Variants in FGA observed in about 807,000 individuals in gnomAD.
FGA encodes the protein fibrinogen alpha chain, also known as fibrinogen, A alpha polypeptide.
In FGA, 20 loss-of-function variants were observed where a neutral mutation model predicts 20.3. The observed-to-expected ratio is 0.99, with a 90% CI of 0.69 to 1.43. The LOEUF (loss-of-function observed/expected upper bound fraction) is 1.43. Among genes scored for constraint, FGA ranks in the 40% most tolerant of loss-of-function variants. The pLI, the probability that FGA is intolerant of heterozygous loss-of-function variation, is 0.00. For missense variants in FGA, 777 were observed against 784.7 expected, an observed-to-expected ratio of 0.99 and a Z score of 0.12; for synonymous variants, 306 against 281.6, an observed-to-expected ratio of 1.09 and a Z score of -0.87.
Position 154,588,933 on chromosome 4 carries a change from T to A in FGA, c.224A>T (p.Asp75Val), listed in dbSNP as rs915183884. 1 of 1,613,876 alleles carries A rather than the reference T, an allele frequency of 6.2e-7. No individual in the cohort carries two copies. The highest frequency in any genetic ancestry group is 2.2e-5 in the East Asian group (1 of 44,862). Reference protein sequence around the residue: ...PSGCRMKGLIDEVNQDFTNRI... With the variant: ...PSGCRMKGLIVEVNQDFTNRI... ...GTTTGTAAAATCTTGATTGACTTCA[T>A]CAATCAACCCTTTCATCCTGCAGCC... is the stretch of plus-strand genomic sequence containing the variant. Residue 75 changes from aspartate to valine, a missense_variant, in exon 3 of 5, where the codon GAT (aspartate) becomes GTT (valine). Transcript: ENST00000403106.
chr4:154,584,805 A>G, downstream of FGA: 1 of 1,613,834 alleles, frequency 6.2e-7, no homozygotes, highest in East Asian at 2.2e-5. Context: ...GGGTACCTGA[A>G]GGATGTGTTT....
chr4:154,584,873 A>C, downstream of FGA: 1 of 1,443,152 alleles, frequency 6.9e-7, no homozygotes, highest in Non-Finnish European at 9.7e-7. Context: ...AGTTATTCTC[A>C]TTTAACTTTA....
In FGA at chr4:154,589,072, A is replaced by T. The variant is rs7656433; in HGVS notation, c.181-96T>A. The T allele has an allele frequency of 0.98, 1,073,152 of 1,092,432 alleles. 527,235 individuals carry two copies. The highest frequency in any genetic ancestry group is 1 in the East Asian group (40,990 of 40,996). 67.7% of individuals were successfully genotyped at this position (1,092,432 alleles called of 1,614,324 possible). On this transcript the variant is annotated intron_variant, in intron 2 of 4. Transcript: ENST00000403106. ...TGCAGCCCCCATTTCTTCCTACCCTATCTCTTCCAGATAAGTTGGCTTAAA... is the reference window on the plus strand; with the variant it reads ...TGCAGCCCCCATTTCTTCCTACCCTTTCTCTTCCAGATAAGTTGGCTTAAA...
chr4:154,587,635 T>C lies in FGA; in HGVS notation c.387A>G (p.Arg129=), dbSNP rs1252108476. ...TTCTGCTTCTCAGATCCTCTGACAC[T>C]CGGTTGTAGGTATTATCACGGTCTG... The part of the protein sequence containing the change: ...SANNRDNTYN[R]VSEDLRSRIE... The change falls in exon 4 of 5, where the codon CGA becomes CGG. Residue 129 remains arginine, a synonymous_variant. Transcript: ENST00000403106. The C allele has an allele frequency of 6.2e-7, 1 of 1,613,896 alleles. No individual in the cohort carries two copies. The highest frequency in any genetic ancestry group is 1.7e-5 in the Admixed American group (1 of 59,984).
downstream of FGA, chr4:154,584,137 AG>A (rs773678959): frequency 4.8e-6 from 6 of 1,242,112 alleles, no homozygotes; most frequent in Non-Finnish European, 5.3e-6. Context: ...TTGGGTCACA[AG>A]GGGCCTAATT....
At chr4:154,585,172 A>T, downstream of FGA, 1 of 1,155,728 alleles carries the variant, frequency 8.7e-7, no homozygotes, top group Non-Finnish European at 1.1e-6. Context: ...ACTGAGACAC[A>T]TACTAAAAAT....
downstream of FGA, chr4:154,584,304 C>T: frequency 1.2e-6 from 2 of 1,614,112 alleles, no homozygotes; most frequent in Non-Finnish European, 1.7e-6. Flanking sequence ...TATTATACCA[C>T]CAGCCTCCCC....
rs763049586 is a variant in FGA at position 154,586,592 on chromosome 4, G to A, written c.837C>T (p.Thr279=). 6 of 1,613,874 alleles carry A rather than the reference G, an allele frequency of 3.7e-6. No individual in the cohort carries two copies. Among genetic ancestry groups the A allele is most frequent in the Non-Finnish European group, 5.1e-6 (6 of 1,179,994 alleles). Residue 279 remains threonine (T), a synonymous_variant, in exon 5 of 5, where the codon ACC becomes ACT. Transcript: ENST00000403106. ...TCCTGGGGCTTTCCGTCTCTGATCC[G>A]GTTCCATAAGAGGTGGAGCCTCCTC... ...ITRGGSTSYG[T]GSETESPRNP...
rs1730732469 is a variant in FGA at position 154,586,702 on chromosome 4, T to C, written c.727A>G (p.Lys243Glu). Residue 243 changes from lysine to glutamate, a missense_variant, in exon 5 of 5, where the codon AAG becomes GAG. Physicochemically the swap from Lys to Glu is moderately conservative, Grantham distance 56 (BLOSUM62 1). Transcript: ENST00000403106. The part of the protein sequence containing the change: ...VPGNFKSQLQ[K>E]VPPEWKALTD... Reference sequence around the variant, plus strand: ...AATGCCTTCCACTCTGGGGGTACCTTCTGAAGCTGGCTCTTAAAATTTCCG... The same window carrying C: ...AATGCCTTCCACTCTGGGGGTACCTCCTGAAGCTGGCTCTTAAAATTTCCG... 2.5e-6 allele frequency: 4 copies of C among 1,614,204 alleles called. No homozygotes were observed. The highest frequency in any genetic ancestry group is 2.5e-6 in the Non-Finnish European group (3 of 1,180,028).
Position 154,586,340 on chromosome 4 carries a change from G to T in FGA, c.1089C>A (p.Gly363=). 6.2e-7 allele frequency: 1 copy of T among 1,614,164 alleles called. No individual in the cohort carries two copies. The highest frequency in any genetic ancestry group is 8.5e-7 in the Non-Finnish European group (1 of 1,180,012). ...GCCCAGCACTTCCGCGTTCAGAGCT[G>T]CCAGGATTCCAGGTTCCGGTACTAC... ...RPGSTGTWNP[G]SSERGSAGHW... The change falls in exon 5 of 5, where the codon GGC becomes GGA. Residue 363 remains glycine, a synonymous_variant. Coordinates refer to ENST00000403106, the MANE Select transcript of FGA (RefSeq NM_021871.4).
In FGA at chr4:154,585,904, A is replaced by G; in HGVS notation, c.1525T>C (p.Phe509Leu). 6.2e-7 allele frequency: 1 copy of G among 1,614,028 alleles called. No homozygotes were observed. The highest frequency in any genetic ancestry group is 8.5e-7 in the Non-Finnish European group (1 of 1,179,912). The change falls in exon 5 of 5, where the codon TTC (phenylalanine) becomes CTC (leucine). Residue 509 changes from phenylalanine (F) to leucine (L), a missense_variant. Physicochemically the swap from Phe to Leu is conservative, Grantham distance 22 (BLOSUM62 0). Transcript: ENST00000403106. ...TLSGIGTLDG[F>L]RHRHPDEAAF... is the part of the protein sequence containing the mutation. ...GCTTCATCAGGGTGCCTATGGCGGA[A>G]CCCATCCAGAGTACCTATGCCAGAC...
At position 154,586,017 on chromosome 4, in the gene FGA, C is replaced by T. The variant is rs1189335984; in HGVS notation, c.1412G>A (p.Gly471Asp). The change falls in exon 5 of 5, where the codon GGT becomes GAT. Residue 471 changes from glycine to aspartate, a missense_variant. Coordinates refer to ENST00000403106, the MANE Select transcript of FGA (RefSeq NM_021871.4). ...GGTAACTTCTTTGTGACCATCAGGACCAATAACAGTCTTAGTAACGGTTTT... is the reference window on the plus strand; with the variant it reads ...GGTAACTTCTTTGTGACCATCAGGATCAATAACAGTCTTAGTAACGGTTTT... ...CSKTVTKTVI[G>D]PDGHKEVTKE... 1.2e-6 allele frequency: 2 copies of T among 1,614,150 alleles called. No individual in the cohort carries two copies. The highest frequency in any genetic ancestry group is 1.7e-6 in the Non-Finnish European group (2 of 1,180,010).
rs567827662 is a variant in FGA, at chr4:154,590,559, A to G, written c.54+75T>C. ...GAGTGTGTCAGGACATAGAGCAGGT[A>G]GACTCTGACCTCCAGGCTCTTTGTG... On this transcript the variant is annotated intron_variant, in intron 1 of 4. Transcript: ENST00000403106. 4 of 1,232,818 alleles carry G rather than the reference A, an allele frequency of 3.2e-6. No individual in the cohort carries two copies. In the African/African-American group the frequency reaches 6.0e-5, roughly 18 times the overall value. The allele number at this position is 1,232,818 out of a possible 1,614,324, so 76.4% of individuals were successfully genotyped here. A position where few individuals can be genotyped will look rare whatever the true frequency, so the allele number is the denominator to read the frequency against.
downstream of FGA, chr4:154,585,149 G>C (rs1730675325): frequency 1.1e-6 from 1 of 928,348 alleles, no homozygotes; most frequent in Non-Finnish European, 1.5e-6. Flanking sequence ...TATTTAGCCT[G>C]ACCTAAATGT....
In FGA at chr4:154,585,414, G is replaced by C; in HGVS notation, c.*80C>G. On this transcript the variant is annotated 3_prime_UTR_variant, in exon 5 of 5. Coordinates refer to ENST00000403106, the MANE Select transcript of FGA (RefSeq NM_021871.4). ...CACAAAAACAGACCAAAAAAGTGTA[G>C]TTTCAATGACGTGTAACAGAGAGTT... 1 of 1,174,396 alleles carries C rather than the reference G, an allele frequency of 8.5e-7. No homozygotes were observed. The highest frequency in any genetic ancestry group is 1.2e-6 in the Non-Finnish European group (1 of 812,174). 72.7% of individuals were successfully genotyped at this position (1,174,396 alleles called of 1,614,324 possible). A position where few individuals can be genotyped will look rare whatever the true frequency, so the allele number is the denominator to read the frequency against.
chr4:154,585,621 A>T lies in FGA; in HGVS notation c.1808T>A (p.Met603Lys). The change falls in exon 5 of 5, where the codon ATG becomes AAG. Residue 603 changes from methionine (M) to lysine (K), a missense_variant. Transcript: ENST00000403106. ...DSTFESKSYKMADEAGSEADH... is the reference protein window; with the variant it reads ...DSTFESKSYKKADEAGSEADH... ...GGCTTCACTTCCGGCCTCATCTGCC[A>T]TTTTATAGCTCTTGCTTTCAAATGT... is the stretch of plus-strand genomic sequence containing the variant. 6 of 1,614,156 alleles carry T rather than the reference A, an allele frequency of 3.7e-6. No individual in the cohort carries two copies. The highest frequency in any genetic ancestry group is 5.1e-6 in the Non-Finnish European group (6 of 1,180,022).
chr4:154,585,152 C>A (rs908118377), downstream of FGA: 48 of 987,412 alleles, frequency 4.9e-5, no homozygotes, highest in Non-Finnish European at 6.2e-5. Context: ...TTAGCCTGAC[C>A]TAAATGTCAA....
rs1315000149 is a variant in FGA, at chr4:154,586,515, G to A, written c.914C>T (p.Thr305Ile). ...WNSGSSGPGSTGNRNPGSSGT... is the reference protein window; with the variant it reads ...WNSGSSGPGSIGNRNPGSSGT... Reference sequence around the variant, plus strand: ...AGAGCTCCCAGGGTTTCGGTTTCCAGTACTTCCAGGTCCAGAGCTCCCAGA... The same window carrying A: ...AGAGCTCCCAGGGTTTCGGTTTCCAATACTTCCAGGTCCAGAGCTCCCAGA... Residue 305 changes from threonine to isoleucine, a missense_variant, in exon 5 of 5, where the codon ACT (threonine) becomes ATT (isoleucine). Coordinates refer to ENST00000403106, the MANE Select transcript of FGA (RefSeq NM_021871.4). 1 of 1,613,740 alleles carries A rather than the reference G, an allele frequency of 6.2e-7. No individual in the cohort carries two copies. The highest frequency in any genetic ancestry group is 1.1e-5 in the South Asian group (1 of 90,952).
downstream of FGA, chr4:154,584,101 G>A: frequency 2.6e-6 from 4 of 1,557,566 alleles, no homozygotes; most frequent in Non-Finnish European, 2.7e-6. Flanking sequence ...AAGACAGAGT[G>A]CTCCCATTCC....
Sources: gnomAD v4.1 joint callset for allele counts on GRCh38, gnomAD v4.1.1 for gene constraint, MANE v1.5 for transcripts, NCBI Gene and HGNC (gene_info 2026-07-23, HGNC 2026-07-21) for gene names.